Variants in NTM observed in about 807,000 individuals in gnomAD.
NTM encodes neurotrimin.
Under a neutral mutation model 42.1 loss-of-function variants are expected in NTM, and 13 were observed. That is an observed-to-expected ratio of 0.31 (90% confidence interval 0.20 to 0.49). The LOEUF is 0.49. Ranked by LOEUF, NTM falls within the 20% of genes least tolerant of loss-of-function variation. The pLI is 0.99. For missense variants in NTM, 373 were observed against 452.8 expected (o/e 0.82, Z 1.60); for synonymous variants, 187 against 179.2 (o/e 1.04, Z -0.35).
At chr11:132,159,925 G>T (rs2137584672) in intron 3 of NTM, among the ~76,000 whole-genome samples, 1 of 152,346 alleles carries the variant, frequency 6.6e-6, no homozygotes, top group Non-Finnish European at 1.5e-5. Flanking sequence ...TCAAATAGGT[G>T]AGCAGGCCTG....
intron 3 of NTM, among the ~76,000 whole-genome samples, chr11:132,198,721 A>T (rs1427995009): frequency 1.3e-5 from 2 of 152,186 alleles, no homozygotes; most frequent in African/African-American, 4.8e-5. Flanking sequence ...TAATCCATTC[A>T]GATAGAGAGC....
intron 1 of NTM, among the ~76,000 whole-genome samples, chr11:131,619,026 C>T (rs1472903405): frequency 2.6e-5 from 4 of 152,098 alleles, no homozygotes; most frequent in East Asian, 1.9e-4. Flanking sequence ...GTGCTAGGCT[C>T]GAGAGGTATG....
Position 131,838,460 on chromosome 11 carries a change from T to C in NTM, c.83-73104T>C, listed in dbSNP as rs1010845498. On this transcript the variant is annotated intron_variant, in intron 1 of 8. Coordinates refer to ENST00000683400, the MANE Select transcript of NTM (RefSeq NM_001352005.2). ...TCAATTCCTGATGTCATGTATTAGT[T>C]GTGTTGCAAATTGCTAAATCCCACT... is the stretch of plus-strand genomic sequence containing the variant. Among the ~76,000 whole-genome samples, 3 of 152,314 alleles carry C rather than the reference T, an allele frequency of 2.0e-5. No individual in the cohort carries two copies. In the South Asian group the frequency reaches 6.2e-4, roughly 32 times the overall value.
intron 4 of NTM, among the ~76,000 whole-genome samples, chr11:132,222,821 A>G (rs780178047): frequency 1.3e-5 from 2 of 152,158 alleles, no homozygotes; most frequent in Non-Finnish European, 2.9e-5. Flanking sequence ...GAGTTAAACA[A>G]AATGACTTTG....
chr11:131,521,850 A>G (rs1037373499), intron 1 of NTM, among the ~76,000 whole-genome samples: 19 of 152,146 alleles, frequency 1.2e-4, no homozygotes, highest in African/African-American at 4.6e-4. Flanking sequence ...AATGTAATTA[A>G]GACCCCCTGT....
intron 2 of NTM, among the ~76,000 whole-genome samples, chr11:132,134,797 A>T (rs1388005106): frequency 2.2e-5 from 3 of 137,072 alleles, no homozygotes; most frequent in African/African-American, 7.8e-5. Flanking sequence ...ATTGACAGGC[A>T]TTTGGGCTGG....
rs2082841468 is a variant in NTM at position 131,753,422 on chromosome 11, G to T, written c.83-158142G>T. Among the ~76,000 whole-genome samples the T allele has an allele frequency of 1.3e-5, 2 of 152,002 alleles. 1 individual carries two copies. The highest frequency in any genetic ancestry group is 4.1e-4 in the South Asian group (2 of 4,824). On this transcript the variant is annotated intron_variant, in intron 1 of 8. Coordinates refer to ENST00000683400, the MANE Select transcript of NTM (RefSeq NM_001352005.2). ...AACCAAAAGGACTATAAATCATGCT[G>T]CTATAAAGACACATGCACACCTATA...
intron 1 of NTM, among the ~76,000 whole-genome samples, chr11:131,821,344 G>T (rs2093179202): frequency 6.6e-6 from 1 of 152,178 alleles, no homozygotes; most frequent in African/African-American, 2.4e-5. Flanking sequence ...TTGTGGTCCA[G>T]GCAGGGCAAT....
intron 1 of NTM, among the ~76,000 whole-genome samples, chr11:131,415,719 T>G (rs908344009): frequency 2.0e-5 from 3 of 152,172 alleles, no homozygotes; most frequent in Non-Finnish European, 4.4e-5. Context: ...CCCAGAAATC[T>G]GTATTTTAAG....
chr11:131,479,066 G>C (rs1466745078), intron 1 of NTM, among the ~76,000 whole-genome samples: 1 of 152,160 alleles, frequency 6.6e-6, no homozygotes, highest in African/African-American at 2.4e-5. Flanking sequence ...TTGTTTATGA[G>C]CATTCTGGCC....
chr11:131,390,955 C>T (rs898611080), intron 1 of NTM, among the ~76,000 whole-genome samples: 4 of 152,108 alleles, frequency 2.6e-5, no homozygotes, highest in Admixed American at 1.3e-4. Context: ...CGTATGTGGG[C>T]TTGTGTGTGA....
At chr11:131,379,311 C>G (rs1942361490) in intron 1 of NTM, among the ~76,000 whole-genome samples, 1 of 152,186 alleles carries the variant, frequency 6.6e-6, no homozygotes, top group Non-Finnish European at 1.5e-5. Context: ...TTGCATCTGT[C>G]AGATTTCAGG....
At chr11:131,553,918 C>T (rs938791226) in intron 1 of NTM, among the ~76,000 whole-genome samples, 3 of 152,218 alleles carry the variant, frequency 2.0e-5, no homozygotes, top group African/African-American at 4.8e-5. Flanking sequence ...AACGTGACCA[C>T]TTGATACCTC....
At chr11:131,754,638 A>AT (rs2083080641) in intron 1 of NTM, among the ~76,000 whole-genome samples, 1 of 151,276 alleles carries the variant, frequency 6.6e-6, no homozygotes, top group African/African-American at 2.4e-5. Flanking sequence ...AAAAAAAAAA[A>AT]TGCTAAACAC....
intron 1 of NTM, among the ~76,000 whole-genome samples, chr11:131,858,607 T>A (rs2046330482): frequency 6.6e-6 from 1 of 152,196 alleles, no homozygotes; most frequent in African/African-American, 2.4e-5. Flanking sequence ...AGAAGAGCCC[T>A]GCAAATGAGG....
intron 1 of NTM, among the ~76,000 whole-genome samples, chr11:131,835,639 G>A (rs1158203199): frequency 6.6e-6 from 1 of 152,050 alleles, no homozygotes; most frequent in South Asian, 2.1e-4. Context: ...CCTTGCTGCT[G>A]AAACCTAATT....
At chr11:131,558,360 C>T (rs1390192537) in intron 1 of NTM, among the ~76,000 whole-genome samples, 4 of 152,208 alleles carry the variant, frequency 2.6e-5, no homozygotes, top group East Asian at 1.9e-4. Context: ...TCCAGCAGCC[C>T]GTCATGATTC....
At chr11:132,183,250 T>C (rs2077851833) in intron 3 of NTM, among the ~76,000 whole-genome samples, 1 of 152,162 alleles carries the variant, frequency 6.6e-6, no homozygotes, top group Non-Finnish European at 1.5e-5. Flanking sequence ...CCCAGAAACC[T>C]GGAGAGGCAT....
chr11:132,145,665 G>A (rs2070226748), intron 2 of NTM, among the ~76,000 whole-genome samples: 1 of 152,180 alleles, frequency 6.6e-6, no homozygotes. Context: ...CTGCCCCTGG[G>A]TATAATGAAG....
Sources: gnomAD v4.1 joint callset for allele counts (sites outside exome capture counted in the v4.1 genomes callset) on GRCh38, gnomAD v4.1.1 for gene constraint, MANE v1.5 for transcripts, NCBI Gene and HGNC (gene_info 2026-07-23, HGNC 2026-07-21) for gene names.